The following CACNB4 variants were observed in gnomAD, a reference collection of about 807,000 sequenced individuals.
The protein encoded by CACNB4 is calcium voltage-gated channel auxiliary subunit beta 4.
A neutral mutation model predicts 71.2 loss-of-function variants in CACNB4; 32 were observed. That is an observed-to-expected ratio of 0.45 (90% CI 0.34 to 0.60). CACNB4 has a LOEUF of 0.60. Among genes scored for constraint, CACNB4 ranks in the 20% least tolerant of loss-of-function variants. The pLI, the probability that CACNB4 is intolerant of heterozygous loss-of-function variation, is 0.01. For synonymous variants in CACNB4, 231 were observed against 236.9 expected (o/e 0.97, Z 0.23); for missense variants, 464 against 647.9 (o/e 0.72, Z 3.08).
intron 2 of CACNB4, among the ~76,000 whole-genome samples, chr2:152,035,651 C>CTCTCTCTCTCTCTCTATATATATATA (rs796161186): frequency 5.9e-5 from 7 of 118,042 alleles, no homozygotes; most frequent in African/African-American, 1.8e-4. Context: ...CTCTCTCTCT[C>CTCTCTCTCTCTCTCTATATATATATA]TATATATATA....
chr2:152,062,612 C>T (rs1686080987), intron 2 of CACNB4, among the ~76,000 whole-genome samples: 1 of 152,154 alleles, frequency 6.6e-6, no homozygotes, highest in Admixed American at 6.5e-5. Context: ...ACCTCCCCAT[C>T]TCAATAGTGG....
intron 2 of CACNB4, among the ~76,000 whole-genome samples, chr2:152,036,015 T>C (rs1175520887): frequency 3.9e-5 from 6 of 152,128 alleles, no homozygotes; most frequent in Admixed American, 6.5e-5. Context: ...TCCTGCCATA[T>C]GTAACGTGGA....
chr2:152,054,013 T>A (rs1378911050), intron 2 of CACNB4, among the ~76,000 whole-genome samples: 2 of 152,144 alleles, frequency 1.3e-5, no homozygotes, highest in Admixed American at 1.3e-4. Context: ...AATTATAGGA[T>A]ACCCAGTTTG....
chr2:151,949,436 C>T (rs899170282), intron 2 of CACNB4, among the ~76,000 whole-genome samples: 5 of 152,072 alleles, frequency 3.3e-5, no homozygotes, highest in Non-Finnish European at 7.4e-5. Context: ...TGAGAGGCTT[C>T]TGGCAGGATG....
At chr2:152,033,001 G>T (rs1463337456) in intron 2 of CACNB4, among the ~76,000 whole-genome samples, 2 of 152,172 alleles carry the variant, frequency 1.3e-5, no homozygotes, top group African/African-American at 4.8e-5. Context: ...GAACTAGTTT[G>T]GTGTAGACAG....
intron 2 of CACNB4, among the ~76,000 whole-genome samples, chr2:152,054,238 C>T (rs559691213): frequency 1.3e-4 from 19 of 151,634 alleles, no homozygotes; most frequent in African/African-American, 3.9e-4. Context: ...TGGTGGCGCG[C>T]GCCTGTAGTC....
At chr2:151,973,634 G>A in intron 2 of CACNB4, 1 of 1,594,564 alleles carries the variant, frequency 6.3e-7, no homozygotes, top group Non-Finnish European at 8.6e-7. Flanking sequence ...GGAAGAGGAG[G>A]GGAGAGGGAA....
chr2:151,864,493 G>A (rs967335691), intron 9 of CACNB4, among the ~76,000 whole-genome samples: 1 of 152,160 alleles, frequency 6.6e-6, no homozygotes, highest in Non-Finnish European at 1.5e-5. Context: ...TGTAAGATCT[G>A]TCTATATTCT....
chr2:151,980,027 C>T (rs950224176), intron 2 of CACNB4, among the ~76,000 whole-genome samples: 5 of 152,140 alleles, frequency 3.3e-5, no homozygotes, highest in African/African-American at 1.2e-4. Flanking sequence ...TCCAGATTTG[C>T]TATAAAGAGT....
At chr2:152,055,117 T>A (rs1685657751) in intron 2 of CACNB4, among the ~76,000 whole-genome samples, 1 of 152,152 alleles carries the variant, frequency 6.6e-6, no homozygotes, top group Non-Finnish European at 1.5e-5. Flanking sequence ...GTTCAAGGGA[T>A]TCTCATGTCT....
In CACNB4 at chr2:151,966,020, T is replaced by C. The variant is rs538838509; in HGVS notation, c.148-82650A>G. ...ACTCAGTATGTACAAAACACCGTGG[T>C]AATTGATCATTTTAAAAAGCAAATG... On this transcript the variant is annotated intron_variant, in intron 2 of 13. Transcript: ENST00000539935. Among the ~76,000 whole-genome samples the C allele has an allele frequency of 6.6e-5, 10 of 152,356 alleles. No individual in the cohort carries two copies. In the East Asian group the frequency reaches 1.7e-3, roughly 26 times the overall value.
intron 12 of CACNB4, among the ~76,000 whole-genome samples, chr2:151,842,320 CTTTTTTTTTTTTTT>C (rs35662354): frequency 1.5e-5 from 1 of 67,708 alleles, no homozygotes; most frequent in South Asian, 6.7e-4. Context: ...ATATTTGGAT[CTTTTTTTTTTTTTT>C]TTTTTTTTTT....
chr2:152,077,961 G>A (rs10190546), intron 2 of CACNB4, among the ~76,000 whole-genome samples: 43,835 of 151,958 alleles, frequency 0.29, 7,652 homozygotes, highest in East Asian at 0.81. Context: ...TGGCAGCTGC[G>A]TAGAGAATGG....
At chr2:152,032,975 A>G (rs932101597) in intron 2 of CACNB4, among the ~76,000 whole-genome samples, 6 of 152,188 alleles carry the variant, frequency 3.9e-5, no homozygotes, top group African/African-American at 9.7e-5. Flanking sequence ...ATAAATAAAT[A>G]AAAAGGTAGA....
chr2:151,860,868 G>T (rs2099841460), intron 9 of CACNB4, 48 bp from the exon 10 acceptor site: 1 of 1,198,672 alleles, frequency 8.3e-7, no homozygotes, highest in Admixed American at 1.7e-5. Context: ...AATGTTATGG[G>T]GCTCTCCAAG....
At chr2:151,933,431 T>TA (rs1462024486) in intron 2 of CACNB4, among the ~76,000 whole-genome samples, 1 of 152,084 alleles carries the variant, frequency 6.6e-6, no homozygotes, top group Non-Finnish European at 1.5e-5. Flanking sequence ...CATTGAGCTG[T>TA]ACATGCATTA....
At chr2:151,971,328 C>A in intron 2 of CACNB4, 1 of 593,588 alleles carries the variant, frequency 1.7e-6, no homozygotes, top group South Asian at 2.1e-5. Flanking sequence ...CAAGTTAACC[C>A]CCACACACCC....
At chr2:151,937,641 C>T (rs2099863245) in intron 2 of CACNB4, among the ~76,000 whole-genome samples, 1 of 152,184 alleles carries the variant, frequency 6.6e-6, no homozygotes, top group Admixed American at 6.6e-5. Flanking sequence ...GAATGTTCTG[C>T]TGGGGGTCAT....
At chr2:151,986,745 T>C (rs879736350) in intron 2 of CACNB4, among the ~76,000 whole-genome samples, 2 of 152,176 alleles carry the variant, frequency 1.3e-5, no homozygotes, top group Non-Finnish European at 2.9e-5. Context: ...TACAATGCCA[T>C]CTGACGGGGA....
Sources: allele counts gnomAD v4.1 joint callset (sites outside exome capture counted in the v4.1 genomes callset), GRCh38; gene constraint gnomAD v4.1.1; transcripts MANE v1.5; gene names NCBI Gene and HGNC (gene_info 2026-07-23, HGNC 2026-07-21).